Variants in ZDHHC11 observed in about 807,000 individuals in gnomAD.
ZDHHC11 encodes the protein zDHHC palmitoyltransferase 11.
Under a neutral mutation model 51.3 loss-of-function variants are expected in ZDHHC11, and 44 were observed. The ratio of observed to expected loss-of-function variants is 0.86; its 90% CI spans 0.67 to 1.10. The LOEUF (loss-of-function observed/expected upper bound fraction) is 1.10, where lower values mean the gene tolerates loss of function less well. Ranked by LOEUF, ZDHHC11 falls within the 50% of genes least tolerant of loss-of-function variation. The pLI is 0.00. For synonymous variants in ZDHHC11, 163 were observed against 222.0 expected, an observed-to-expected ratio of 0.73 and a Z score of 2.36; for missense variants, 400 against 537.7, an observed-to-expected ratio of 0.74 and a Z score of 2.53.
intron 11 of ZDHHC11, among the ~76,000 whole-genome samples, chr5:808,521 G>T (rs1739610231): frequency 6.7e-6 from 1 of 148,744 alleles, no homozygotes; most frequent in Non-Finnish European, 1.5e-5. Flanking sequence ...ACACACTTAC[G>T]TGTTCCATCT....
At chr5:860,098 T>G (rs1262706923), upstream of ZDHHC11, among the ~76,000 whole-genome samples, 6 of 152,124 alleles carry the variant, frequency 3.9e-5, no homozygotes, top group Non-Finnish European at 7.4e-5. This position sits in a 1 kb window ranked among gnomAD's most constrained non-coding sequence, Gnocchi z 4.2. Flanking sequence ...GGACATCTTG[T>G]CTGTCAGGGG....
chr5:840,544 A>G lies in ZDHHC11; in HGVS notation c.735T>C (p.Phe245=), dbSNP rs543700213. 10 of 1,613,880 alleles carry G rather than the reference A, an allele frequency of 6.2e-6. No individual in the cohort carries two copies. Among genetic ancestry groups the G allele is most frequent in the African/African-American group, 5.3e-5 (4 of 75,026 alleles). The stretch of plus-strand genomic sequence containing the variant: ...GCTGGCCCAGGTGCACCAAGCCAAG[A>G]AAGTCCAGCAGGAGCACGAGCATCC... The part of the protein sequence containing the change: ...IIGMLVLLLD[F]LGLVHLGQLL... The change falls in exon 5 of 13, where the codon TTT becomes TTC. Residue 245 remains phenylalanine, a synonymous_variant. Coordinates refer to ENST00000283441, the MANE Select transcript of ZDHHC11 (RefSeq NM_024786.3).
intron 10 of ZDHHC11, among the ~76,000 whole-genome samples, chr5:817,748 C>G (rs151064416): frequency 2.0e-5 from 3 of 151,306 alleles, no homozygotes; most frequent in Non-Finnish European, 4.4e-5. Flanking sequence ...TCATTACACA[C>G]CCTTCCATGT....
chr5:814,876 A>G lies in ZDHHC11; in HGVS notation c.1147-81T>C, dbSNP rs1391322718. 5 of 1,356,980 alleles carry G rather than the reference A, an allele frequency of 3.7e-6. No individual in the cohort carries two copies. In the Admixed American group the frequency reaches 8.1e-5, roughly 22 times the overall value. 84.1% of individuals were successfully genotyped at this position (1,356,980 alleles called of 1,614,324 possible). A position where few individuals can be genotyped will look rare whatever the true frequency, so the allele number is the denominator to read the frequency against. ...AAACTTATTCTTAAAATTCAAGTTCATTACTAGTCAGTTCTGAGTAATGGT... is the reference window on the plus strand; with the variant it reads ...AAACTTATTCTTAAAATTCAAGTTCGTTACTAGTCAGTTCTGAGTAATGGT... On this transcript the variant is annotated intron_variant, in intron 10 of 12. Transcript: ENST00000283441.
In ZDHHC11 at chr5:824,769, TAAAAAAAAAA is replaced by T. The variant is rs58948043; in HGVS notation, c.1023+385_1023+394del. On this transcript the variant is annotated intron_variant, in intron 8 of 12. Transcript: ENST00000283441. ...CACAGTCTTTCCTAAGCATTTTATT[TAAAAAAAAAA>T]AAAAAACAGCACATGGCTTCTGCCA... Among the ~76,000 whole-genome samples, 15 of 125,562 alleles carry T rather than the reference TAAAAAAAAAA, an allele frequency of 1.2e-4. No individual in the cohort carries two copies. In the South Asian group the frequency reaches 3.6e-3, roughly 30 times the overall value. The allele number at this position is 125,562 out of a possible 152,430, so 82.4% of individuals were successfully genotyped here.
At chr5:821,445 T>C (rs751742132) in intron 9 of ZDHHC11, 5 of 163,074 alleles carry the variant, frequency 3.1e-5, no homozygotes, top group Non-Finnish European at 6.8e-5. Context: ...TCTTTGCTGC[T>C]GAAGGGGTGT....
At chr5:803,394 G>A (rs1015665633) in intron 11 of ZDHHC11, among the ~76,000 whole-genome samples, 3 of 151,260 alleles carry the variant, frequency 2.0e-5, no homozygotes, top group African/African-American at 4.9e-5. Context: ...TCACTAACTG[G>A]TCATAGAGAT....
chr5:842,245 C>T (rs1745112420), intron 4 of ZDHHC11: 1 of 986,142 alleles, frequency 1.0e-6, no homozygotes, highest in South Asian at 4.7e-5. Context: ...CTGGCATCCC[C>T]CACAGGGAGA....
At chr5:838,584 CA>C (rs1461586430) in intron 5 of ZDHHC11, among the ~76,000 whole-genome samples, 1 of 152,124 alleles carries the variant, frequency 6.6e-6, no homozygotes, top group African/African-American at 2.4e-5. Flanking sequence ...AGTCACTGCC[CA>C]GGGAGGCTCT....
rs1343258002 is a variant in ZDHHC11, at chr5:796,821, T to C, written c.*8-241A>G. Among the ~76,000 whole-genome samples the C allele has an allele frequency of 6.6e-5, 10 of 152,336 alleles. No homozygotes were observed. In the East Asian group the frequency reaches 1.2e-3, roughly 18 times the overall value. On this transcript the variant is annotated intron_variant, in intron 12 of 12. Transcript: ENST00000283441. ...TCCTTCCAGAAAGCTTAGAGATGAG[T>C]GCATCACCGACAGAGGCCATTTTCT...
At chr5:854,915 G>A (rs530325741), upstream of ZDHHC11, among the ~76,000 whole-genome samples, 66 of 148,476 alleles carry the variant, frequency 4.4e-4, no homozygotes, top group African/African-American at 1.6e-3. Context: ...CTGCCCAGAG[G>A]ACAGTGAGCA....
chr5:855,296 C>A (rs1408955951), upstream of ZDHHC11, among the ~76,000 whole-genome samples: 1 of 139,628 alleles, frequency 7.2e-6, no homozygotes, highest in Non-Finnish European at 1.5e-5. Flanking sequence ...ACAGATCCCA[C>A]AGAGGACAGC....
Position 814,782 on chromosome 5 carries a change from G to A in ZDHHC11, c.1160C>T (p.Ala387Val). The part of the protein sequence containing the change: ...GGSMAQEADD[A>V]PSISTLGLQQ... ...TTACCCAAGTGTAGATATACTCGGGGCATCATCTGCTTCCTGTGGGGGGAA... is the reference window on the plus strand; with the variant it reads ...TTACCCAAGTGTAGATATACTCGGGACATCATCTGCTTCCTGTGGGGGGAA... Residue 387 changes from alanine (A) to valine (V), a missense_variant, in exon 11 of 13, where the codon GCC (alanine) becomes GTC (valine). Physicochemically the swap from Ala to Val is moderately conservative, Grantham distance 64. Around this residue, in one of 5 missense-constraint regions of ZDHHC11, gnomAD observed 231 missense variants for 227.4 expected, o/e 1.02. Transcript: ENST00000283441. 2 of 1,548,012 alleles carry A rather than the reference G, an allele frequency of 1.3e-6. No individual in the cohort carries two copies. The highest frequency in any genetic ancestry group is 1.3e-5 in the South Asian group (1 of 79,966).
intron 10 of ZDHHC11, chr5:816,471 T>C: frequency 2.0e-6 from 1 of 488,776 alleles, no homozygotes; most frequent in South Asian, 1.5e-5. Context: ...AGATAAGTGA[T>C]ATGCCTGGAA....
At chr5:838,603 G>A (rs1161463373) in intron 5 of ZDHHC11, among the ~76,000 whole-genome samples, 4 of 152,078 alleles carry the variant, frequency 2.6e-5, no homozygotes, top group Admixed American at 2.6e-4. Context: ...TCTGGGTCAC[G>A]GGGGTGGGGA....
chr5:808,203 C>T (rs1417355830), intron 11 of ZDHHC11, among the ~76,000 whole-genome samples: 186 of 150,200 alleles, frequency 1.2e-3, no homozygotes, highest in African/African-American at 3.6e-3. Flanking sequence ...GGTCAAGTTG[C>T]GCAGCCTCCC....
intron 3 of ZDHHC11, among the ~76,000 whole-genome samples, chr5:844,201 G>GC (rs754478476): frequency 5.9e-4 from 83 of 139,896 alleles, no homozygotes; most frequent in Middle Eastern, 3.9e-3. Flanking sequence ...GTCCTGTGAC[G>GC]CCCCCCCAGG....
chr5:802,877 T>G (rs1161692068), intron 11 of ZDHHC11, among the ~76,000 whole-genome samples: 1 of 59,308 alleles, frequency 1.7e-5, no homozygotes, highest in African/African-American at 5.1e-5. Flanking sequence ...AAAAAAAAGC[T>G]AAATGTGGTG....
intron 1 of ZDHHC11, among the ~76,000 whole-genome samples, chr5:857,921 T>C (rs1259800352): frequency 1.4e-5 from 2 of 144,120 alleles, no homozygotes; most frequent in Admixed American, 6.9e-5. Flanking sequence ...TCTGTCCAGG[T>C]CCCTGTCCTG....
Sources: allele counts gnomAD v4.1 joint callset (sites outside exome capture counted in the v4.1 genomes callset), GRCh38; gene constraint gnomAD v4.1.1; regional missense constraint gnomAD v4.1.1; non-coding constraint Gnocchi (gnomAD v3.1); transcripts MANE v1.5; gene names NCBI Gene and HGNC (gene_info 2026-07-23, HGNC 2026-07-21).